ALK: variants seen among roughly 807,000 people sequenced by gnomAD.
ALK encodes the protein ALK receptor tyrosine kinase.
Under a neutral mutation model 163.1 loss-of-function variants are expected in ALK, and 74 were observed. The ratio of observed to expected loss-of-function variants is 0.45; its 90% CI spans 0.38 to 0.55. The LOEUF (loss-of-function observed/expected upper bound fraction) is 0.55, where lower values mean the gene tolerates loss of function less well. Among genes scored for constraint, ALK ranks in the 20% least tolerant of loss-of-function variants. The pLI is 0.00. For synonymous variants in ALK, 960 were observed against 843.2 expected, an observed-to-expected ratio of 1.14 and a Z score of -2.40; for missense variants, 2,063 against 2,105.3, an observed-to-expected ratio of 0.98 and a Z score of 0.39.
At chr2:29,623,452 G>T (rs1451495760) in intron 3 of ALK, among the ~76,000 whole-genome samples, 2 of 152,238 alleles carry the variant, frequency 1.3e-5, no homozygotes, top group African/African-American at 4.8e-5. Context: ...CACATGGACA[G>T]GATGATAATG....
At chr2:29,439,673 G>A (rs1317221313) in intron 4 of ALK, among the ~76,000 whole-genome samples, 1 of 113,722 alleles carries the variant, frequency 8.8e-6, no homozygotes, top group East Asian at 2.5e-4. Flanking sequence ...CAACGGGACT[G>A]GTGTTCTTGT....
At chr2:29,278,842 C>T (rs1286784339) in intron 9 of ALK, among the ~76,000 whole-genome samples, 2 of 152,180 alleles carry the variant, frequency 1.3e-5, no homozygotes, top group Non-Finnish European at 2.9e-5. Context: ...CATTTCTCCA[C>T]CAGGTCATCA....
chr2:29,270,061 C>A (rs1319119900), intron 11 of ALK, among the ~76,000 whole-genome samples: 1 of 151,930 alleles, frequency 6.6e-6, no homozygotes, highest in East Asian at 1.9e-4. Flanking sequence ...AAGACCTATT[C>A]AGTAATGAAA....
intron 1 of ALK, among the ~76,000 whole-genome samples, chr2:29,742,307 C>A (rs190610180): frequency 6.6e-6 from 1 of 152,200 alleles, no homozygotes; most frequent in Non-Finnish European, 1.5e-5. Flanking sequence ...TAGGTATGGG[C>A]GAATGGTGCT....
At chr2:29,281,827 C>T (rs144018069) in intron 9 of ALK, among the ~76,000 whole-genome samples, 4 of 152,304 alleles carry the variant, frequency 2.6e-5, no homozygotes, top group African/African-American at 9.6e-5. Context: ...TGAGAAATGC[C>T]GATGCTGCTC....
intron 5 of ALK, among the ~76,000 whole-genome samples, chr2:29,372,562 G>A (rs1221823684): frequency 1.3e-5 from 2 of 152,198 alleles, no homozygotes; most frequent in East Asian, 1.9e-4. Flanking sequence ...ACTGTGTCAG[G>A]TGAGGCACAC....
Position 29,875,554 on chromosome 2 carries a change from G to C in ALK, c.667+44439C>G, listed in dbSNP as rs1666682249. ...TAGGTTTTAAGCCCTGCATGCATTA[G>C]GTATTTCTCCTAATGCTCTCCCTCT... On this transcript the variant is annotated intron_variant, in intron 1 of 28. Transcript: ENST00000389048. Among the ~76,000 whole-genome samples the C allele has an allele frequency of 2.6e-5, 4 of 152,042 alleles. No individual in the cohort carries two copies. The South Asian group carries it at 8.3e-4, about 32-fold the overall frequency.
chr2:29,779,547 G>A (rs1433910731), intron 1 of ALK, among the ~76,000 whole-genome samples: 2 of 152,198 alleles, frequency 1.3e-5, no homozygotes, highest in African/African-American at 2.4e-5. Context: ...CTCCTGAATA[G>A]AGTCTGCATC....
intron 2 of ALK, among the ~76,000 whole-genome samples, chr2:29,715,614 T>C (rs1442463090): frequency 1.3e-5 from 2 of 152,210 alleles, no homozygotes; most frequent in Non-Finnish European, 2.9e-5. Flanking sequence ...CTCTGCAGCA[T>C]GGAGTGGGTA....
intron 1 of ALK, among the ~76,000 whole-genome samples, chr2:29,774,940 T>G (rs1681130478): frequency 6.6e-6 from 1 of 152,172 alleles, no homozygotes; most frequent in Non-Finnish European, 1.5e-5. Context: ...TAATGTAAAT[T>G]TATATAGTTG....
intron 8 of ALK, among the ~76,000 whole-genome samples, chr2:29,309,322 T>C (rs967704713): frequency 1.3e-5 from 2 of 152,146 alleles, no homozygotes; most frequent in Admixed American, 1.3e-4. Flanking sequence ...GAGAGGTCTG[T>C]GATTAACATA....
chr2:29,777,383 G>A (rs1180600663), intron 1 of ALK, among the ~76,000 whole-genome samples: 1 of 152,130 alleles, frequency 6.6e-6, no homozygotes, highest in Non-Finnish European at 1.5e-5. Flanking sequence ...GTCACTGGCA[G>A]CTAGTTTGTA....
At chr2:29,731,661 C>T (rs1204834271) in intron 1 of ALK, among the ~76,000 whole-genome samples, 2 of 152,178 alleles carry the variant, frequency 1.3e-5, no homozygotes, top group African/African-American at 4.8e-5. Flanking sequence ...AACATTAAAC[C>T]TCTGGATGGA....
intron 24 of ALK, among the ~76,000 whole-genome samples, chr2:29,211,193 G>A (rs1368508307): frequency 7.2e-5 from 11 of 152,216 alleles, no homozygotes; most frequent in Admixed American, 7.2e-4. Flanking sequence ...GATTCATGTT[G>A]TTAATGCTGC....
chr2:29,702,873 C>T (rs930055790), intron 2 of ALK, among the ~76,000 whole-genome samples: 4 of 152,234 alleles, frequency 2.6e-5, no homozygotes, highest in Non-Finnish European at 4.4e-5. Flanking sequence ...CTGGGTCTGT[C>T]CCATGACATG....
At chr2:29,678,968 T>C (rs992645765) in intron 3 of ALK, among the ~76,000 whole-genome samples, 20 of 151,876 alleles carry the variant, frequency 1.3e-4, no homozygotes, top group African/African-American at 4.3e-4. Flanking sequence ...TGGGAGTTAT[T>C]GAAATCTCCC....
chr2:29,679,801 C>T (rs953982779), intron 3 of ALK, among the ~76,000 whole-genome samples: 5 of 151,842 alleles, frequency 3.3e-5, no homozygotes, highest in African/African-American at 7.2e-5. Flanking sequence ...CATTTCTCCC[C>T]GTGGATTCAA....
chr2:29,490,511 C>G (rs1314492184), intron 4 of ALK, among the ~76,000 whole-genome samples: 1 of 152,150 alleles, frequency 6.6e-6, no homozygotes, highest in African/African-American at 2.4e-5. Flanking sequence ...CTCGTTCCAG[C>G]CTAGAGTCAG....
chr2:29,328,613 T>C, intron 5 of ALK, 132 bp from the exon 6 acceptor site: 4 of 1,238,374 alleles, frequency 3.2e-6, no homozygotes, highest in Non-Finnish European at 4.7e-6. Flanking sequence ...CTCCAAGGCC[T>C]GATTGAGACA....
Sources: gnomAD v4.1 joint callset for allele counts (sites outside exome capture counted in the v4.1 genomes callset) on GRCh38, gnomAD v4.1.1 for gene constraint, MANE v1.5 for transcripts, NCBI Gene and HGNC (gene_info 2026-07-23, HGNC 2026-07-21) for gene names.